The following KHDRBS2 variants were observed in gnomAD, a reference collection of about 807,000 sequenced individuals.
KHDRBS2 encodes KH domain-containing, RNA-binding, signal transduction-associated protein 2.
Under a neutral mutation model 44.3 loss-of-function variants are expected in KHDRBS2, and 26 were observed. The observed-to-expected ratio is 0.59, with a 90% CI of 0.43 to 0.81. The LOEUF is 0.81. KHDRBS2 is among the 40% of genes least tolerant of loss of function. KHDRBS2 has a pLI of 0.00. For missense variants in KHDRBS2, 476 were observed against 433.1 expected (o/e 1.10, Z -0.88); for synonymous variants, 194 against 151.1 (o/e 1.28, Z -2.08).
At chr6:62,211,562 TTACTTGTGA>T (rs1424166872) in intron 1 of KHDRBS2, among the ~76,000 whole-genome samples, 1 of 152,196 alleles carries the variant, frequency 6.6e-6, no homozygotes, top group Non-Finnish European at 1.5e-5. Flanking sequence ...TCTAGACTAA[TTACTTGTGA>T]TGATGATATT....
chr6:61,577,467 C>T, the KHDRBS2 span, among the ~76,000 whole-genome samples: 1 of 152,104 alleles, frequency 6.6e-6, no homozygotes, highest in Non-Finnish European at 1.5e-5. Context: ...GATCCAATAC[C>T]AGCAAATTGC....
At chr6:61,668,829 A>G in the KHDRBS2 span, among the ~76,000 whole-genome samples, 1 of 150,984 alleles carries the variant, frequency 6.6e-6, no homozygotes, top group Non-Finnish European at 1.5e-5. Flanking sequence ...ATATTTTAGT[A>G]GTGGGTATCA....
rs78305613 is a variant in KHDRBS2, at chr6:61,960,926, A to C, written c.483+17140T>G. Among the ~76,000 whole-genome samples, 6 of 152,190 alleles carry C rather than the reference A, an allele frequency of 3.9e-5. No homozygotes were observed. The East Asian group carries it at 1.2e-3, about 29-fold the overall frequency. On this transcript the variant is annotated intron_variant, in intron 4 of 8. Coordinates refer to ENST00000281156, the MANE Select transcript of KHDRBS2 (RefSeq NM_152688.4). ...TGAAGCAGTTATTTGAAGACACTAA[A>C]AAGTAAAGAGCATCATGCAGACTGG...
At chr6:61,955,495 CAT>C (rs1491201352) in intron 4 of KHDRBS2, among the ~76,000 whole-genome samples, 1 of 48,644 alleles carries the variant, frequency 2.1e-5, no homozygotes, top group South Asian at 9.1e-4. Flanking sequence ...TGTATGTATA[CAT>C]GTGTATATAT....
the KHDRBS2 span, among the ~76,000 whole-genome samples, chr6:61,567,834 A>C: frequency 6.6e-6 from 1 of 151,800 alleles, no homozygotes; most frequent in Non-Finnish European, 1.5e-5. Context: ...GCCTTAGTAC[A>C]TCCAATACAT....
At chr6:62,152,843 C>G (rs987144130) in intron 2 of KHDRBS2, among the ~76,000 whole-genome samples, 1 of 152,082 alleles carries the variant, frequency 6.6e-6, no homozygotes, top group African/African-American at 2.4e-5. Flanking sequence ...TGACAAGCAA[C>G]CTCAGGGACT....
At chr6:61,819,237 C>T (rs1789486685) in intron 6 of KHDRBS2, among the ~76,000 whole-genome samples, 1 of 151,264 alleles carries the variant, frequency 6.6e-6, no homozygotes, top group Admixed American at 6.6e-5. Flanking sequence ...TCAGATGAGG[C>T]CAAATGAAGG....
chr6:61,595,283 A>C, the KHDRBS2 span, among the ~76,000 whole-genome samples: 1 of 152,154 alleles, frequency 6.6e-6, no homozygotes, highest in Non-Finnish European at 1.5e-5. Context: ...GTTTATTGCA[A>C]TACTACTCAC....
the KHDRBS2 span, among the ~76,000 whole-genome samples, chr6:61,648,419 T>C: frequency 3.2e-4 from 48 of 152,232 alleles, no homozygotes; most frequent in African/African-American, 1.0e-3. Flanking sequence ...CCCCAGTCAT[T>C]TGAAGTCCTC....
rs1300508245 is a variant in KHDRBS2 at position 62,286,171 on chromosome 6, C to A, written c.-223G>T. The A allele has an allele frequency of 2.0e-5, 11 of 545,718 alleles. No homozygotes were observed. The highest frequency in any genetic ancestry group is 1.6e-4 in the South Asian group (7 of 44,116). 33.8% of individuals were successfully genotyped at this position (545,718 alleles called of 1,614,324 possible). A position where few individuals can be genotyped will look rare whatever the true frequency, so the allele number is the denominator to read the frequency against. On this transcript the variant is annotated 5_prime_UTR_variant, in exon 1 of 9. Coordinates refer to ENST00000281156, the MANE Select transcript of KHDRBS2 (RefSeq NM_152688.4). ...CCCGTCCCTTCCGTCGTCCCTCGCT[C>A]GCGCAGAGCCCCGGCTCACACCAGC... is the stretch of plus-strand genomic sequence containing the variant.
intron 6 of KHDRBS2, among the ~76,000 whole-genome samples, chr6:61,820,243 T>C (rs1436127769): frequency 6.6e-6 from 1 of 152,042 alleles, no homozygotes; most frequent in African/African-American, 2.4e-5. Context: ...TAGAAGACTT[T>C]CATGAGATTC....
chr6:62,036,999 CAA>C (rs1420730470), intron 3 of KHDRBS2, among the ~76,000 whole-genome samples: 2 of 151,946 alleles, frequency 1.3e-5, no homozygotes, highest in East Asian at 3.9e-4. Flanking sequence ...AAATGTTGCC[CAA>C]GTTTAATTCT....
chr6:62,043,028 A>C (rs1786886093), intron 3 of KHDRBS2, among the ~76,000 whole-genome samples: 1 of 152,128 alleles, frequency 6.6e-6, no homozygotes, highest in South Asian at 2.1e-4. Flanking sequence ...CCATTTAAGG[A>C]CAATAGGTGA....
intron 2 of KHDRBS2, among the ~76,000 whole-genome samples, chr6:62,135,812 C>T (rs1379378037): frequency 6.6e-6 from 1 of 151,418 alleles, no homozygotes; most frequent in Non-Finnish European, 1.5e-5. Flanking sequence ...TAAAGTAAGC[C>T]AGACAAAGGA....
chr6:62,149,375 C>G (rs192804227), intron 2 of KHDRBS2, among the ~76,000 whole-genome samples: 1 of 152,104 alleles, frequency 6.6e-6, no homozygotes, highest in Non-Finnish European at 1.5e-5. Context: ...TCTCAAATGT[C>G]TTTGAGATCC....
chr6:61,770,451 G>A (rs1164465916), intron 6 of KHDRBS2, among the ~76,000 whole-genome samples: 11 of 152,242 alleles, frequency 7.2e-5, no homozygotes, highest in African/African-American at 1.7e-4. Flanking sequence ...AAAATTAGAC[G>A]AATGGATAAG....
chr6:61,640,190 TA>T, the KHDRBS2 span, among the ~76,000 whole-genome samples: 41 of 152,038 alleles, frequency 2.7e-4, no homozygotes, highest in South Asian at 6.8e-3. Flanking sequence ...TGAGGAATAA[TA>T]AAAAAAACTT....
intron 3 of KHDRBS2, among the ~76,000 whole-genome samples, chr6:62,008,266 T>G (rs537362390): frequency 6.6e-6 from 1 of 152,276 alleles, no homozygotes; most frequent in South Asian, 2.1e-4. Flanking sequence ...TTTTGTCACA[T>G]GAGAGGAATT....
chr6:62,187,009 C>T (rs891405216), intron 1 of KHDRBS2, among the ~76,000 whole-genome samples: 26 of 152,152 alleles, frequency 1.7e-4, no homozygotes, highest in African/African-American at 6.0e-4. Context: ...CCTTGCTGAG[C>T]AACCATAATC....
Sources: gnomAD v4.1 joint callset for allele counts (sites outside exome capture counted in the v4.1 genomes callset) on GRCh38, gnomAD v4.1.1 for gene constraint, MANE v1.5 for transcripts, NCBI Gene and HGNC (gene_info 2026-07-23, HGNC 2026-07-21) for gene names.